Variants in RASA1 observed in about 807,000 individuals in gnomAD.
RASA1 encodes the protein RAS p21 protein activator 1, also known as ras GTPase-activating protein 1.
Under a neutral mutation model 132.2 loss-of-function variants are expected in RASA1, and 25 were observed. That is an observed-to-expected ratio of 0.19 (90% CI 0.14 to 0.26). The LOEUF (loss-of-function observed/expected upper bound fraction) is 0.26. Among genes scored for constraint, RASA1 ranks in the 10% least tolerant of loss-of-function variants. The probability of loss-of-function intolerance (pLI) is 1.00; values close to 1 mark genes in which losing one functional copy is unlikely to be tolerated. For missense variants in RASA1, 964 were observed against 1,299.2 expected, an observed-to-expected ratio of 0.74 and a Z score of 3.97; for synonymous variants, 477 against 449.9, an observed-to-expected ratio of 1.06 and a Z score of -0.76.
At chr5:87,321,214 G>A (rs1350751462) in intron 1 of RASA1, among the ~76,000 whole-genome samples, 1 of 152,138 alleles carries the variant, frequency 6.6e-6, no homozygotes, top group Non-Finnish European at 1.5e-5. Context: ...AAGATAAGAA[G>A]TGTTTAGGAA....
chr5:87,289,822 T>G (rs143275624), intron 1 of RASA1, among the ~76,000 whole-genome samples: 10 of 152,254 alleles, frequency 6.6e-5, no homozygotes, highest in African/African-American at 2.4e-4. Flanking sequence ...TTTCCCAGGC[T>G]CGTCTTGAAC....
intron 22 of RASA1, 95 bp from the exon 23 acceptor site, chr5:87,386,731 T>C: frequency 9.4e-6 from 10 of 1,064,390 alleles, no homozygotes; most frequent in Non-Finnish European, 1.5e-5. Context: ...GTAATTGCAG[T>C]TTTTGCTGTT....
At chr5:87,302,630 A>G (rs910036882) in intron 1 of RASA1, among the ~76,000 whole-genome samples, 7 of 151,454 alleles carry the variant, frequency 4.6e-5, no homozygotes, top group African/African-American at 1.7e-4. Context: ...ATACTAAAGC[A>G]TAGTATTCTA....
chr5:87,348,517 C>T (rs1237759343), intron 7 of RASA1, among the ~76,000 whole-genome samples: 1 of 151,856 alleles, frequency 6.6e-6, no homozygotes, highest in African/African-American at 2.4e-5. Context: ...AGGAGCATAC[C>T]TATTGAATAA....
At chr5:87,309,747 T>C (rs1473371527) in intron 1 of RASA1, among the ~76,000 whole-genome samples, 2 of 152,110 alleles carry the variant, frequency 1.3e-5, no homozygotes. Flanking sequence ...AAGATTATCA[T>C]ATATCAGTAT....
In RASA1 at chr5:87,268,567, C is replaced by T. The variant is rs760851896; in HGVS notation, c.116C>T (p.Pro39Leu). 3.4e-5 allele frequency: 54 copies of T among 1,607,032 alleles called. No homozygotes were observed. The highest frequency in any genetic ancestry group is 4.2e-5 in the Non-Finnish European group (50 of 1,177,814). ...AYPAVCRVKI[P>L]AALPVAAAPY... ...CCCGCAGTGTGTCGGGTGAAGATAC[C>T]CGCGGCCCTGCCTGTGGCAGCCGCC... Residue 39 changes from proline to leucine, a missense_variant, in exon 1 of 25, where the codon CCC becomes CTC. Pro to Leu is a moderately conservative substitution (Grantham distance 98). Around this residue, in one of 6 missense-constraint regions of RASA1, gnomAD observed 326 missense variants for 275.8 expected, o/e 1.18. Coordinates refer to ENST00000274376, the MANE Select transcript of RASA1 (RefSeq NM_002890.3).
At chr5:87,313,888 C>T (rs1000821053) in intron 1 of RASA1, among the ~76,000 whole-genome samples, 11 of 152,134 alleles carry the variant, frequency 7.2e-5, no homozygotes, top group African/African-American at 2.7e-4. Flanking sequence ...CATGTTTGGG[C>T]CGGGCGTGGT....
In RASA1 at chr5:87,338,536, A is replaced by ATATATATATATTT; in HGVS notation, c.1017+446_1017+447insATATATATATTTT. ...ATATATATATATATATATATATAAA[A>ATATATATATATTT]TTTTTTTTTTTTTTAAGTAGAAATG... On this transcript the variant is annotated intron_variant, in intron 5 of 24. Transcript: ENST00000274376. Among the ~76,000 whole-genome samples the ATATATATATATTT allele has an allele frequency of 2.7e-3, 226 of 85,134 alleles. 5 individuals are homozygous for ATATATATATATTT. Among genetic ancestry groups the ATATATATATATTT allele is most frequent in the South Asian group, 6.3e-3 (16 of 2,552 alleles). The allele number at this position is 85,134 out of a possible 152,430, so 55.9% of individuals were successfully genotyped here.
rs1266753350 is a variant in RASA1 at position 87,268,809 on chromosome 5, C to T, written c.358C>T (p.Pro120Ser). The change falls in exon 1 of 25, where the codon CCC becomes TCC. Residue 120 changes from proline (P) to serine (S), a missense_variant. By Grantham distance (74) the Pro-to-Ser change is moderately conservative. This residue lies in a region of RASA1 where 326 missense variants were observed against 275.8 expected (regional missense o/e 1.18). Transcript: ENST00000274376. ...PSGDMALTKL[P>S]TSLLAETLGP... ...TGGAGACATGGCTCTCACCAAACTG[C>T]CCACTTCGTTGCTTGCTGAGACTCT... 2 of 1,614,106 alleles carry T rather than the reference C, an allele frequency of 1.2e-6. No individual in the cohort carries two copies. Among genetic ancestry groups the T allele is most frequent in the Admixed American group, 1.7e-5 (1 of 60,026 alleles).
chr5:87,312,477 T>G (rs960471678), intron 1 of RASA1, among the ~76,000 whole-genome samples: 4 of 152,184 alleles, frequency 2.6e-5, no homozygotes, highest in African/African-American at 7.2e-5. Flanking sequence ...ATTTTCTGAG[T>G]TCTAATTTCT....
intron 5 of RASA1, among the ~76,000 whole-genome samples, chr5:87,338,886 T>G (rs1758235298): frequency 6.6e-6 from 1 of 152,122 alleles, no homozygotes; most frequent in African/African-American, 2.4e-5. Flanking sequence ...ATCTCGTCCT[T>G]GTTTTTGTTT....
intron 1 of RASA1, among the ~76,000 whole-genome samples, chr5:87,326,969 TC>T (rs1394417772): frequency 6.6e-6 from 1 of 152,226 alleles, no homozygotes; most frequent in African/African-American, 2.4e-5. Context: ...CACAGATTGA[TC>T]ACCCATTTTG....
chr5:87,383,232 C>T (rs889137260), intron 20 of RASA1, among the ~76,000 whole-genome samples: 2 of 152,148 alleles, frequency 1.3e-5, no homozygotes, highest in African/African-American at 4.8e-5. Flanking sequence ...ATCAATGCAA[C>T]CAACTTAGGC....
chr5:87,281,636 A>G (rs1042109382), intron 1 of RASA1, among the ~76,000 whole-genome samples: 1 of 151,806 alleles, frequency 6.6e-6, no homozygotes, highest in South Asian at 2.1e-4. Context: ...GCTGGAGTGC[A>G]GTGACACGAT....
At chr5:87,290,005 ATCAACTCTT>A (rs2112265960) in intron 1 of RASA1, among the ~76,000 whole-genome samples, 1 of 152,146 alleles carries the variant, frequency 6.6e-6, no homozygotes, top group South Asian at 2.1e-4. Flanking sequence ...CTTATATCCC[ATCAACTCTT>A]AATAGTTGAC....
At chr5:87,363,787 CA>C (rs1760298177) in intron 11 of RASA1, among the ~76,000 whole-genome samples, 2 of 152,196 alleles carry the variant, frequency 1.3e-5, no homozygotes, top group Admixed American at 6.5e-5. Flanking sequence ...GAGTCTTTGT[CA>C]CCTTTCCTCT....
At chr5:87,337,768 G>A (rs1212504745) in intron 4 of RASA1, among the ~76,000 whole-genome samples, 1 of 151,892 alleles carries the variant, frequency 6.6e-6, no homozygotes, top group Non-Finnish European at 1.5e-5. Flanking sequence ...TTACTCATGA[G>A]GTAATTAAAA....
Position 87,362,566 on chromosome 5 carries a change from C to T in RASA1, c.1348C>T (p.Leu450Phe), listed in dbSNP as rs757166432. Reference sequence around the variant, plus strand: ...TAAAATTCAGGATCAAGAACAAGTACTCAATGACACAGTGGATGGCAAGGA... The same window carrying T: ...TAAAATTCAGGATCAAGAACAAGTATTCAATGACACAGTGGATGGCAAGGA... ...PVPMQDQEQV[L>F]NDTVDGKEIY... Residue 450 changes from leucine (L) to phenylalanine (F), a missense_variant, in exon 10 of 25, where the codon CTC (leucine) becomes TTC (phenylalanine). Leu to Phe is a conservative substitution (Grantham distance 22). Transcript: ENST00000274376. 101 of 1,592,190 alleles carry T rather than the reference C, an allele frequency of 6.3e-5. No individual in the cohort carries two copies. The Admixed American group carries it at 1.7e-3, about 26-fold the overall frequency.
chr5:87,343,338 T>A (rs966570104), intron 6 of RASA1, among the ~76,000 whole-genome samples: 3 of 152,204 alleles, frequency 2.0e-5, no homozygotes, highest in African/African-American at 7.2e-5. Context: ...GGATTTGATA[T>A]AACAGTAACC....
Sources: gnomAD v4.1 joint callset for allele counts (sites outside exome capture counted in the v4.1 genomes callset) on GRCh38, gnomAD v4.1.1 for gene constraint, gnomAD v4.1.1 regional missense constraint, MANE v1.5 for transcripts, NCBI Gene and HGNC (gene_info 2026-07-23, HGNC 2026-07-21) for gene names.